Variants in TMC1 observed in about 807,000 individuals in gnomAD.
TMC1 encodes transmembrane channel like 1.
In TMC1, 84 loss-of-function variants were observed where a neutral mutation model predicts 105.8. The ratio of observed to expected loss-of-function variants is 0.79; its 90% confidence interval spans 0.67 to 0.95. The LOEUF (loss-of-function observed/expected upper bound fraction) is 0.95. Ranked by LOEUF, TMC1 falls within the 40% of genes least tolerant of loss-of-function variation. The pLI, the probability that TMC1 is intolerant of heterozygous loss-of-function variation, is 0.00. For synonymous variants in TMC1, 315 were observed against 311.5 expected (o/e 1.01, Z -0.12); for missense variants, 817 against 914.1 (o/e 0.89, Z 1.37).
intron 5 of TMC1, 120 bp from the exon 6 acceptor site, chr9:72,688,589 A>G: frequency 1.1e-6 from 1 of 931,494 alleles, no homozygotes; most frequent in Non-Finnish European, 1.7e-6. Context: ...TGGCAAGTTT[A>G]TGGAAAAATT....
intron 15 of TMC1, among the ~76,000 whole-genome samples, chr9:72,790,700 A>G (rs944589040): frequency 1.3e-5 from 2 of 152,180 alleles, no homozygotes; most frequent in African/African-American, 4.8e-5. Flanking sequence ...TGAAGGTAAT[A>G]ATGGAGATTC....
chr9:72,576,199 G>T (rs1417174772), intron 1 of TMC1, among the ~76,000 whole-genome samples: 1 of 152,182 alleles, frequency 6.6e-6, no homozygotes, highest in African/African-American at 2.4e-5. Context: ...CAGTTTTATA[G>T]AGCAAGAGCT....
chr9:72,532,989 C>T (rs1587941734), intron 1 of TMC1, among the ~76,000 whole-genome samples: 1 of 152,308 alleles, frequency 6.6e-6, no homozygotes, highest in Middle Eastern at 3.4e-3. Flanking sequence ...CAAACTGGCT[C>T]ATCCCTTAAT....
chr9:72,826,569 T>C (rs534668932), intron 20 of TMC1, among the ~76,000 whole-genome samples: 4 of 152,330 alleles, frequency 2.6e-5, no homozygotes, highest in African/African-American at 4.8e-5. Context: ...ATGAGCTATT[T>C]ACAAAATATA....
intron 23 of TMC1, among the ~76,000 whole-genome samples, chr9:72,834,521 G>A (rs777443328): frequency 8.5e-5 from 13 of 152,072 alleles, no homozygotes; most frequent in Non-Finnish European, 1.8e-4. Context: ...CTCTTAAGCT[G>A]ATCAGATTCC....
intron 1 of TMC1, among the ~76,000 whole-genome samples, chr9:72,551,490 T>C (rs1303604909): frequency 2.0e-5 from 3 of 152,194 alleles, no homozygotes; most frequent in Non-Finnish European, 4.4e-5. Context: ...CTTCCCCCTG[T>C]TGAGTTGCCA....
chr9:72,550,969 G>C (rs1823852077), intron 1 of TMC1, among the ~76,000 whole-genome samples: 1 of 152,170 alleles, frequency 6.6e-6, no homozygotes, highest in East Asian at 1.9e-4. Context: ...AAAGGAGATG[G>C]AATGATGGGA....
chr9:72,536,690 G>T (rs1335596181), intron 1 of TMC1, among the ~76,000 whole-genome samples: 1 of 152,086 alleles, frequency 6.6e-6, no homozygotes, highest in East Asian at 1.9e-4. Flanking sequence ...CCACATCCTG[G>T]GCATAGTAGT....
chr9:72,537,266 C>T (rs763627027), intron 1 of TMC1, among the ~76,000 whole-genome samples: 1 of 152,144 alleles, frequency 6.6e-6, no homozygotes, highest in Non-Finnish European at 1.5e-5. Flanking sequence ...TTCTGAAATG[C>T]CTTTGGGGCC....
chr9:72,587,202 AGGCTGGAGTGCAAT>A (rs1224086765), intron 2 of TMC1, among the ~76,000 whole-genome samples: 1 of 150,712 alleles, frequency 6.6e-6, no homozygotes, highest in Non-Finnish European at 1.5e-5. Flanking sequence ...CTTGTTGCCC[AGGCTGGAGTGCAAT>A]GGCTTGATCT....
Position 72,815,188 on chromosome 9 carries a change from A to G in TMC1, c.1696-955A>G, listed in dbSNP as rs367980704. On this transcript the variant is annotated intron_variant, in intron 18 of 23. Coordinates refer to ENST00000297784, the MANE Select transcript of TMC1 (RefSeq NM_138691.3). ...GCCCTTGCTAATTAGCATTTACTCC[A>G]TTGTTAGAATCTCCTGTTAGGATGC... 2.6e-5 allele frequency among the ~76,000 whole-genome samples: 4 copies of G among 152,016 alleles called. No individual in the cohort carries two copies. The South Asian group carries it at 6.2e-4, about 24-fold the overall frequency.
chr9:72,747,467 A>G (rs1400371115), intron 10 of TMC1, among the ~76,000 whole-genome samples: 1 of 152,236 alleles, frequency 6.6e-6, no homozygotes, highest in Non-Finnish European at 1.5e-5. Context: ...AACAACCAGA[A>G]AGAGAGTTGA....
chr9:72,601,962 A>G (rs570974948), intron 2 of TMC1, among the ~76,000 whole-genome samples: 1 of 152,350 alleles, frequency 6.6e-6, no homozygotes, highest in South Asian at 2.1e-4. Context: ...CCAAGCCTAA[A>G]CACAAAATTC....
At chr9:72,581,164 A>G (rs181627839) in intron 2 of TMC1, among the ~76,000 whole-genome samples, 7 of 152,358 alleles carry the variant, frequency 4.6e-5, no homozygotes, top group Admixed American at 3.9e-4. Context: ...AAAGATTAGC[A>G]TTTTGGAGTT....
chr9:72,599,133 C>A (rs1309181661), intron 2 of TMC1, among the ~76,000 whole-genome samples: 1 of 152,074 alleles, frequency 6.6e-6, no homozygotes, highest in Non-Finnish European at 1.5e-5. Context: ...TGGGTTCAAG[C>A]GATTCTCATG....
intron 23 of TMC1, 110 bp downstream of exon 23, chr9:72,830,792 G>A (rs1294566516): frequency 2.2e-6 from 2 of 906,344 alleles, no homozygotes; most frequent in South Asian, 1.6e-5. Flanking sequence ...CATTATTGCT[G>A]TGAGCGAGTC....
chr9:72,737,598 G>A (rs562377863), intron 8 of TMC1, among the ~76,000 whole-genome samples: 1 of 152,280 alleles, frequency 6.6e-6, no homozygotes, highest in East Asian at 1.9e-4. Context: ...CAAGGTCATA[G>A]AGACAGATCC....
chr9:72,622,955 G>C (rs929659229), intron 3 of TMC1, among the ~76,000 whole-genome samples: 1 of 151,718 alleles, frequency 6.6e-6, no homozygotes, highest in Non-Finnish European at 1.5e-5. Context: ...GGGAGGCTGA[G>C]GCAGGAGAAT....
At chr9:72,813,065 T>G (rs1181910233) in intron 18 of TMC1, among the ~76,000 whole-genome samples, 1 of 152,170 alleles carries the variant, frequency 6.6e-6, no homozygotes, top group African/African-American at 2.4e-5. Flanking sequence ...CCCAACAGTC[T>G]TACCAGGAAT....
Sources: allele counts gnomAD v4.1 joint callset (sites outside exome capture counted in the v4.1 genomes callset), GRCh38; gene constraint gnomAD v4.1.1; transcripts MANE v1.5; gene names NCBI Gene and HGNC (gene_info 2026-07-23, HGNC 2026-07-21).